Variants in CTNND2 observed in about 807,000 individuals in gnomAD.
The protein encoded by CTNND2 is catenin delta 2, also known as catenin delta-2.
CTNND2 carries 22 observed loss-of-function variants against 144.4 expected under a neutral mutation model. That is an observed-to-expected ratio of 0.15 (90% CI 0.11 to 0.22). The LOEUF (loss-of-function observed/expected upper bound fraction) is 0.22. Among genes scored for constraint, CTNND2 ranks in the 10% least tolerant of loss-of-function variants. The probability of loss-of-function intolerance (pLI) is 1.00; values close to 1 mark genes in which losing one functional copy is unlikely to be tolerated. For synonymous variants in CTNND2, 751 were observed against 695.6 expected (o/e 1.08, Z -1.25); for missense variants, 1,353 against 1,618.8 (o/e 0.84, Z 2.82).
At chr5:11,108,950 T>C (rs1228149357) in intron 14 of CTNND2, among the ~76,000 whole-genome samples, 1 of 152,216 alleles carries the variant, frequency 6.6e-6, no homozygotes, top group Non-Finnish European at 1.5e-5. Flanking sequence ...TGTCTCCTCC[T>C]ATTTCCCTGG....
intron 8 of CTNND2, among the ~76,000 whole-genome samples, chr5:11,358,328 A>G (rs528691441): frequency 1.3e-5 from 2 of 152,304 alleles, no homozygotes; most frequent in East Asian, 3.9e-4. Context: ...CTTCTTATTT[A>G]TACCTTTTTA....
chr5:11,814,993 C>G (rs1792548374), intron 1 of CTNND2, among the ~76,000 whole-genome samples: 1 of 152,158 alleles, frequency 6.6e-6, no homozygotes, highest in South Asian at 2.1e-4. Context: ...AAGATCTTTT[C>G]TTATTTCATA....
intron 1 of CTNND2, among the ~76,000 whole-genome samples, chr5:11,900,109 C>T (rs1422397639): frequency 2.0e-5 from 3 of 152,166 alleles, no homozygotes; most frequent in Non-Finnish European, 2.9e-5. Context: ...ATTCATTTTG[C>T]ACGTAATGTG....
At chr5:11,065,042 T>C (rs968643037) in intron 16 of CTNND2, among the ~76,000 whole-genome samples, 2 of 152,210 alleles carry the variant, frequency 1.3e-5, no homozygotes, top group African/African-American at 4.8e-5. Flanking sequence ...TTTTCCTGCA[T>C]TTCATTTTTA....
chr5:11,653,544 T>A (rs771455322), intron 2 of CTNND2, among the ~76,000 whole-genome samples: 1 of 152,104 alleles, frequency 6.6e-6, no homozygotes, highest in Non-Finnish European at 1.5e-5. Context: ...CTTGGAAAAA[T>A]ATCTATGCAG....
At position 11,224,127 on chromosome 5, in the gene CTNND2, C is replaced by T. The variant is rs973589041; in HGVS notation, c.1761+12564G>A. On this transcript the variant is annotated intron_variant, in intron 10 of 21. Transcript: ENST00000304623. The stretch of plus-strand genomic sequence containing the variant: ...CAAGTTGATCTATACCTCCACGCAG[C>T]GGTATTTGTCCTCTTTAGTTGTAAT... Among the ~76,000 whole-genome samples, 14 of 152,244 alleles carry T rather than the reference C, an allele frequency of 9.2e-5. No homozygotes were observed. The East Asian group carries it at 1.5e-3, about 17-fold the overall frequency.
At chr5:11,232,619 T>C (rs1741153486) in intron 10 of CTNND2, among the ~76,000 whole-genome samples, 1 of 152,252 alleles carries the variant, frequency 6.6e-6, no homozygotes, top group Non-Finnish European at 1.5e-5. Context: ...TGGAAGGAAC[T>C]AACTTGTGTT....
intron 1 of CTNND2, among the ~76,000 whole-genome samples, chr5:11,829,289 A>C (rs1466942919): frequency 2.6e-5 from 4 of 152,232 alleles, no homozygotes; most frequent in African/African-American, 9.6e-5. Context: ...GCCAAATGTT[A>C]ATCACCAAGA....
chr5:11,353,370 G>A (rs773512284), intron 8 of CTNND2, among the ~76,000 whole-genome samples: 6 of 152,196 alleles, frequency 3.9e-5, no homozygotes, highest in Non-Finnish European at 7.3e-5. Context: ...GGCACTAGAG[G>A]TGAGGGCAGG....
At chr5:11,713,508 G>C (rs531746066) in intron 2 of CTNND2, among the ~76,000 whole-genome samples, 2 of 149,572 alleles carry the variant, frequency 1.3e-5, no homozygotes, top group Admixed American at 1.3e-4. Context: ...GAGCCCAGGA[G>C]GCAGAGGCTG....
Position 11,621,959 on chromosome 5 carries a change from C to T in CTNND2, c.175-56903G>A, listed in dbSNP as rs115974043. The stretch of plus-strand genomic sequence containing the variant: ...GCAAATATAATACACAAACAAAATA[C>T]AGTATTTTTAGATGAAATATTCAGC... On this transcript the variant is annotated intron_variant, in intron 2 of 21. Transcript: ENST00000304623. Among the ~76,000 whole-genome samples, 1,186 of 152,244 alleles carry T rather than the reference C, an allele frequency of 7.8e-3. 14 individuals carry two copies. The highest frequency in any genetic ancestry group is 0.02 in the Middle Eastern group (6 of 294).
Position 11,634,467 on chromosome 5 carries a change from C to T in CTNND2, c.175-69411G>A, listed in dbSNP as rs538599197. 1.4e-4 allele frequency among the ~76,000 whole-genome samples: 21 copies of T among 152,196 alleles called. No individual in the cohort carries two copies. In the South Asian group the frequency reaches 3.5e-3, roughly 26 times the overall value. On this transcript the variant is annotated intron_variant, in intron 2 of 21. Transcript: ENST00000304623. ...TTCTCCTCAATCTCAATCCCGTGCA[C>T]GATTTCTCCAGTTCTGCCTCTAGTT...
intron 5 of CTNND2, among the ~76,000 whole-genome samples, chr5:11,408,324 T>C (rs1186837863): frequency 6.6e-6 from 1 of 152,158 alleles, no homozygotes; most frequent in African/African-American, 2.4e-5. Context: ...ATTCGCAATA[T>C]TGATGCCCAA....
intron 5 of CTNND2, among the ~76,000 whole-genome samples, chr5:11,405,589 A>G (rs1761026391): frequency 6.6e-6 from 1 of 151,144 alleles, no homozygotes; most frequent in Non-Finnish European, 1.5e-5. Context: ...AAAAAAAAAA[A>G]GAGAGAGAAA....
intron 1 of CTNND2, among the ~76,000 whole-genome samples, chr5:11,800,275 T>C (rs1791607815): frequency 6.6e-6 from 1 of 152,158 alleles, no homozygotes; most frequent in Non-Finnish European, 1.5e-5. Flanking sequence ...AGGGAACTTC[T>C]GAGAAGAACT....
intron 2 of CTNND2, among the ~76,000 whole-genome samples, chr5:11,698,299 T>A (rs938122564): frequency 1.1e-4 from 16 of 151,736 alleles, no homozygotes; most frequent in African/African-American, 3.9e-4. Context: ...TTTTTTTTTT[T>A]TTTTTTTGAG....
At chr5:11,083,948 G>T in intron 15 of CTNND2, 1 of 1,124,398 alleles carries the variant, frequency 8.9e-7, no homozygotes, top group South Asian at 1.8e-5. Flanking sequence ...CACATCCTCA[G>T]CCCAGCCCTG....
intron 2 of CTNND2, chr5:11,589,149 G>A: frequency 2.0e-6 from 1 of 489,090 alleles, no homozygotes; most frequent in Non-Finnish European, 2.7e-6. Flanking sequence ...GACCCCCATT[G>A]GCATTATTTA....
At chr5:11,268,989 T>A (rs1413540481) in intron 9 of CTNND2, among the ~76,000 whole-genome samples, 2 of 152,346 alleles carry the variant, frequency 1.3e-5, no homozygotes, top group South Asian at 4.1e-4. Context: ...CATGCATAAA[T>A]GCTCACTCTG....
Sources: allele counts gnomAD v4.1 joint callset (sites outside exome capture counted in the v4.1 genomes callset), GRCh38; gene constraint gnomAD v4.1.1; transcripts MANE v1.5; gene names NCBI Gene and HGNC (gene_info 2026-07-23, HGNC 2026-07-21).